The following IQCM variants were observed in gnomAD, a reference collection of about 807,000 sequenced individuals.
IQCM encodes IQ domain-containing protein M.
Under a neutral mutation model 57.6 loss-of-function variants are expected in IQCM, and 45 were observed. The ratio of observed to expected loss-of-function variants is 0.78; its 90% CI spans 0.62 to 1.00. The LOEUF (loss-of-function observed/expected upper bound fraction) is 1.00. Among genes scored for constraint, IQCM ranks in the 50% least tolerant of loss-of-function variants. IQCM has a pLI of 0.00. For synonymous variants in IQCM, 148 were observed against 158.9 expected (o/e 0.93, Z 0.51); for missense variants, 468 against 511.6 (o/e 0.91, Z 0.82).
At chr4:149,403,258 C>G (rs1732744312) in intron 13 of IQCM, among the ~76,000 whole-genome samples, 1 of 151,870 alleles carries the variant, frequency 6.6e-6, no homozygotes, top group Admixed American at 6.6e-5. Context: ...TTTTTTTCCT[C>G]TGGCACAAGT....
chr4:149,598,546 T>A (rs1050046873), intron 8 of IQCM, among the ~76,000 whole-genome samples: 2 of 151,794 alleles, frequency 1.3e-5, no homozygotes, highest in African/African-American at 2.4e-5. Flanking sequence ...GGGCAAAAAA[T>A]GAAATGAAAG....
At chr4:149,705,388 A>C (rs1223209616) in intron 5 of IQCM, among the ~76,000 whole-genome samples, 1 of 151,350 alleles carries the variant, frequency 6.6e-6, no homozygotes, top group Non-Finnish European at 1.5e-5. Context: ...CTTTAATACC[A>C]GTAAAAAGAA....
intron 12 of IQCM, among the ~76,000 whole-genome samples, chr4:149,437,351 A>G (rs911749077): frequency 3.0e-4 from 46 of 152,088 alleles, no homozygotes; most frequent in African/African-American, 1.0e-3. Context: ...CTTCTCCACA[A>G]AAATTTATTT....
At chr4:149,412,865 T>C (rs966302841) in intron 13 of IQCM, among the ~76,000 whole-genome samples, 7 of 152,146 alleles carry the variant, frequency 4.6e-5, no homozygotes, top group African/African-American at 1.7e-4. Flanking sequence ...AGGGAACATG[T>C]GCTAAGGCAT....
At chr4:149,697,623 T>C (rs2149806993) in intron 5 of IQCM, among the ~76,000 whole-genome samples, 1 of 152,196 alleles carries the variant, frequency 6.6e-6, no homozygotes, top group South Asian at 2.1e-4. Flanking sequence ...ATCAAATATA[T>C]AAGTTCCTAA....
intron 12 of IQCM, among the ~76,000 whole-genome samples, chr4:149,485,162 T>C (rs1741332364): frequency 6.6e-6 from 1 of 152,070 alleles, no homozygotes; most frequent in African/African-American, 2.4e-5. Flanking sequence ...TTTGGGAGTT[T>C]GATTTTCAAA....
chr4:149,413,527 A>G (rs928776601), intron 13 of IQCM, among the ~76,000 whole-genome samples: 1 of 152,150 alleles, frequency 6.6e-6, no homozygotes, highest in Non-Finnish European at 1.5e-5. Context: ...TGGCTGACAC[A>G]GTTCCTAGGA....
intron 13 of IQCM, among the ~76,000 whole-genome samples, chr4:149,384,544 AT>A (rs2111050088): frequency 6.6e-6 from 1 of 152,128 alleles, no homozygotes; most frequent in South Asian, 2.1e-4. Flanking sequence ...CCTTCCCACA[AT>A]TTACCGTTTT....
intron 2 of IQCM, among the ~76,000 whole-genome samples, chr4:149,761,752 G>A (rs2149964491): frequency 6.6e-6 from 1 of 152,134 alleles, no homozygotes; most frequent in East Asian, 1.9e-4. Context: ...AATTGATATA[G>A]CAATAAATTG....
intron 12 of IQCM, among the ~76,000 whole-genome samples, chr4:149,520,469 T>C (rs538769624): frequency 1.3e-5 from 2 of 152,270 alleles, no homozygotes; most frequent in South Asian, 2.1e-4. Context: ...ATCATTAGCC[T>C]ACCCAGAACC....
intron 7 of IQCM, among the ~76,000 whole-genome samples, chr4:149,638,826 C>G (rs1171762975): frequency 3.9e-5 from 6 of 152,140 alleles, no homozygotes; most frequent in African/African-American, 1.4e-4. Flanking sequence ...GAGCAGGGCC[C>G]TGAAATACTA....
intron 12 of IQCM, among the ~76,000 whole-genome samples, chr4:149,478,437 G>A (rs893298573): frequency 2.0e-5 from 3 of 152,180 alleles, no homozygotes; most frequent in East Asian, 3.9e-4. Context: ...AGGGCATGAT[G>A]ATGCATGGGT....
chr4:149,585,652 T>A (rs1752585511), intron 9 of IQCM, among the ~76,000 whole-genome samples: 1 of 151,684 alleles, frequency 6.6e-6, no homozygotes, highest in South Asian at 2.1e-4. Flanking sequence ...TAATAATTTA[T>A]TAAGTATAGT....
At chr4:149,807,707 T>C (rs1774211753) in intron 2 of IQCM, among the ~76,000 whole-genome samples, 2 of 151,830 alleles carry the variant, frequency 1.3e-5, no homozygotes, top group South Asian at 4.2e-4. Flanking sequence ...ATAGCCAGAA[T>C]ATATAAGGGA....
At chr4:149,399,742 G>T (rs1204639637) in intron 13 of IQCM, among the ~76,000 whole-genome samples, 1 of 152,014 alleles carries the variant, frequency 6.6e-6, no homozygotes, top group Non-Finnish European at 1.5e-5. Flanking sequence ...TAATTACCCT[G>T]TGTCTCAGTT....
chr4:149,657,224 C>G (rs181602522), intron 7 of IQCM, among the ~76,000 whole-genome samples: 2 of 151,984 alleles, frequency 1.3e-5, no homozygotes, highest in African/African-American at 2.4e-5. Flanking sequence ...TCTGTGATAT[C>G]GATATTTTTT....
At chr4:149,623,837 A>G (rs1180897739) in intron 7 of IQCM, among the ~76,000 whole-genome samples, 2 of 152,144 alleles carry the variant, frequency 1.3e-5, no homozygotes. Context: ...AGCAGGACAG[A>G]ATAAAATATT....
At chr4:149,657,659 G>A (rs866787084) in intron 7 of IQCM, among the ~76,000 whole-genome samples, 3 of 151,680 alleles carry the variant, frequency 2.0e-5, no homozygotes, top group Non-Finnish European at 2.9e-5. Flanking sequence ...CTATATCTTC[G>A]TTAATACTTG....
intron 2 of IQCM, among the ~76,000 whole-genome samples, chr4:149,758,533 G>A (rs1055723270): frequency 1.3e-5 from 2 of 152,158 alleles, no homozygotes; most frequent in East Asian, 3.8e-4. Context: ...TCTTGAGAAT[G>A]AGAAGACAAG....
Sources: gnomAD v4.1 joint callset for allele counts (sites outside exome capture counted in the v4.1 genomes callset) on GRCh38, gnomAD v4.1.1 for gene constraint, MANE v1.5 for transcripts, NCBI Gene and HGNC (gene_info 2026-07-23, HGNC 2026-07-21) for gene names.